Variants in INPP4B observed in about 807,000 individuals in gnomAD.
The protein encoded by INPP4B is inositol polyphosphate-4-phosphatase type II B, also known as inositol polyphosphate 4-phosphatase type II.
A neutral mutation model predicts 122.5 loss-of-function variants in INPP4B; 55 were observed. The ratio of observed to expected loss-of-function variants is 0.45; its 90% CI spans 0.36 to 0.56. The LOEUF (loss-of-function observed/expected upper bound fraction) is 0.56. Ranked by LOEUF, INPP4B falls within the 20% of genes least tolerant of loss-of-function variation. INPP4B has a pLI of 0.00. For synonymous variants in INPP4B, 403 were observed against 388.7 expected, an observed-to-expected ratio of 1.04 and a Z score of -0.43; for missense variants, 1,000 against 1,097.7, an observed-to-expected ratio of 0.91 and a Z score of 1.26.
chr4:142,191,185 G>C (rs975795744), intron 15 of INPP4B, among the ~76,000 whole-genome samples: 2 of 152,072 alleles, frequency 1.3e-5, no homozygotes, highest in Middle Eastern at 3.2e-3. Flanking sequence ...AGGTATATTG[G>C]TTAGGGGCCT....
chr4:142,076,664 C>G (rs930455138), intron 25 of INPP4B, among the ~76,000 whole-genome samples: 1 of 151,926 alleles, frequency 6.6e-6, no homozygotes, highest in Non-Finnish European at 1.5e-5. Context: ...CAAAAAATAG[C>G]ACACCAACAT....
At chr4:142,590,698 A>C (rs1349280654) in intron 2 of INPP4B, among the ~76,000 whole-genome samples, 2 of 151,762 alleles carry the variant, frequency 1.3e-5, no homozygotes, top group African/African-American at 4.8e-5. Flanking sequence ...TAATATATAG[A>C]GGTTATATAA....
chr4:142,402,441 G>A (rs1320992126), intron 7 of INPP4B, among the ~76,000 whole-genome samples: 2 of 152,198 alleles, frequency 1.3e-5, no homozygotes, highest in Non-Finnish European at 2.9e-5. Flanking sequence ...TTCTTGAAAA[G>A]AGAGCAGTTA....
intron 25 of INPP4B, among the ~76,000 whole-genome samples, chr4:142,065,242 C>T (rs1190053412): frequency 4.4e-5 from 6 of 137,904 alleles, no homozygotes; most frequent in Non-Finnish European, 9.2e-5. Flanking sequence ...CCAACACACA[C>T]ACACACACAC....
chr4:142,321,609 G>C (rs1770062899), intron 7 of INPP4B, among the ~76,000 whole-genome samples: 1 of 152,142 alleles, frequency 6.6e-6, no homozygotes, highest in Non-Finnish European at 1.5e-5. Context: ...TTGTGTATGA[G>C]GTCAGAGATA....
chr4:142,281,375 C>G (rs1283213214), intron 9 of INPP4B, among the ~76,000 whole-genome samples: 1 of 149,694 alleles, frequency 6.7e-6, no homozygotes, highest in East Asian at 2.0e-4. Flanking sequence ...AAACTTTTTA[C>G]ATGAATGGTT....
rs1828942089 is a variant in INPP4B, at chr4:142,541,521, T to C, written c.-190-78795A>G. 1.3e-5 allele frequency among the ~76,000 whole-genome samples: 2 copies of C among 152,164 alleles called. 1 individual carries two copies. Among genetic ancestry groups the C allele is most frequent in the South Asian group, 4.1e-4 (2 of 4,828 alleles). On this transcript the variant is annotated intron_variant, in intron 2 of 25. Coordinates refer to ENST00000262992, the MANE Select transcript of INPP4B (RefSeq NM_001101669.3). ...TTTGAGGCCAAAAGACTAGGCACTT[T>C]TTTTCTTTAAATATTTGTGCTGCTT...
chr4:142,294,774 G>A (rs1757844118), intron 9 of INPP4B, among the ~76,000 whole-genome samples: 1 of 132,726 alleles, frequency 7.5e-6, no homozygotes, highest in South Asian at 2.5e-4. Flanking sequence ...TGAAAAAGCA[G>A]ACTTGAGATC....
chr4:142,602,308 AC>A (rs1338965171), intron 2 of INPP4B, among the ~76,000 whole-genome samples: 3 of 152,104 alleles, frequency 2.0e-5, no homozygotes, highest in Non-Finnish European at 2.9e-5. Context: ...AGAAAAACAA[AC>A]CACTACTCAA....
At chr4:142,354,711 T>C (rs1277720766) in intron 7 of INPP4B, among the ~76,000 whole-genome samples, 1 of 152,020 alleles carries the variant, frequency 6.6e-6, no homozygotes, top group Non-Finnish European at 1.5e-5. Context: ...ATGACCTTTA[T>C]TTTGAGCTTA....
intron 7 of INPP4B, among the ~76,000 whole-genome samples, chr4:142,358,476 T>C (rs1016369830): frequency 6.6e-6 from 1 of 151,744 alleles, no homozygotes; most frequent in Admixed American, 6.6e-5. Flanking sequence ...ATTTCTAACA[T>C]AGCAATGTTC....
At chr4:142,208,171 G>A (rs867249284) in intron 14 of INPP4B, among the ~76,000 whole-genome samples, 100 of 152,170 alleles carry the variant, frequency 6.6e-4, no homozygotes, top group Admixed American at 4.6e-3. Flanking sequence ...TATTACTTAA[G>A]GGTGCTATTA....
intron 7 of INPP4B, among the ~76,000 whole-genome samples, chr4:142,388,979 G>A (rs1468042066): frequency 6.6e-6 from 1 of 152,136 alleles, no homozygotes; most frequent in Non-Finnish European, 1.5e-5. Flanking sequence ...GAGGCCCAGT[G>A]AGGTAGCTCT....
chr4:142,422,100 G>C (rs983442785), intron 5 of INPP4B, among the ~76,000 whole-genome samples: 16 of 151,966 alleles, frequency 1.1e-4, no homozygotes, highest in Admixed American at 2.6e-4. Flanking sequence ...ATGATAATAT[G>C]GGAGAGATAT....
At chr4:142,768,252 A>G (rs1772459546) in intron 1 of INPP4B, among the ~76,000 whole-genome samples, 1 of 152,230 alleles carries the variant, frequency 6.6e-6, no homozygotes, top group Non-Finnish European at 1.5e-5. Context: ...TGATACAAAA[A>G]TAATAACAAT....
At chr4:142,780,792 C>T (rs1288065644) in intron 1 of INPP4B, among the ~76,000 whole-genome samples, 1 of 151,832 alleles carries the variant, frequency 6.6e-6, no homozygotes, top group South Asian at 2.1e-4. Context: ...AGTGAAACAC[C>T]GTCTCGAAAC....
chr4:142,179,346 A>C (rs1829733189), intron 15 of INPP4B, among the ~76,000 whole-genome samples: 1 of 151,574 alleles, frequency 6.6e-6, no homozygotes, highest in Non-Finnish European at 1.5e-5. Context: ...GGCAGCATGC[A>C]CCTGTAGTCC....
At chr4:142,494,277 G>T (rs1323954304) in intron 2 of INPP4B, among the ~76,000 whole-genome samples, 1 of 152,004 alleles carries the variant, frequency 6.6e-6, no homozygotes, top group Admixed American at 6.6e-5. Flanking sequence ...CCTTAATTTA[G>T]AATTGTCTAC....
intron 15 of INPP4B, among the ~76,000 whole-genome samples, chr4:142,184,334 T>C (rs1221890448): frequency 6.6e-6 from 1 of 152,210 alleles, no homozygotes; most frequent in African/African-American, 2.4e-5. Flanking sequence ...AAGTATATTT[T>C]CCCTAGCTAG....
Sources: allele counts gnomAD v4.1 joint callset (sites outside exome capture counted in the v4.1 genomes callset), GRCh38; gene constraint gnomAD v4.1.1; transcripts MANE v1.5; gene names NCBI Gene and HGNC (gene_info 2026-07-23, HGNC 2026-07-21).